The following OR3A2 variants were observed in gnomAD, a reference collection of about 807,000 sequenced individuals.
OR3A2 encodes the protein olfactory receptor family 3 subfamily A member 2.
For missense variants in OR3A2, 318 were observed against 392.8 expected (o/e 0.81, Z 1.61); for synonymous variants, 126 against 159.3 (o/e 0.79, Z 1.57).
chr17:3,356,293 C>G lies in OR3A2; in HGVS notation c.-178-20167G>C, dbSNP rs571337741. ...ACCACAGTTATAGTGTTTTAAGATT[C>G]TGTTTTTCCATGCACTTACTATTAC... On this transcript the variant is annotated intron_variant, in intron 2 of 4. Transcript: ENST00000573491. 3.1e-3 allele frequency among the ~76,000 whole-genome samples: 463 copies of G among 151,484 alleles called. 4 individuals are homozygous for G. Among genetic ancestry groups the G allele is most frequent in the Non-Finnish European group, 5.3e-3 (361 of 67,910 alleles).
chr17:3,305,448 G>A (rs9905508), intron 3 of OR3A2, among the ~76,000 whole-genome samples: 5,594 of 152,164 alleles, frequency 0.037, 362 homozygotes, highest in African/African-American at 0.13. Context: ...TTTGTCATGA[G>A]GTAACAAGGA....
At chr17:3,353,268 G>A (rs2049435722) in intron 2 of OR3A2, among the ~76,000 whole-genome samples, 1 of 151,768 alleles carries the variant, frequency 6.6e-6, no homozygotes, top group African/African-American at 2.4e-5. Context: ...AATTGGTAGA[G>A]TCTTTAGGTT....
intron 3 of OR3A2, among the ~76,000 whole-genome samples, chr17:3,293,399 G>A (rs2048893361): frequency 6.6e-6 from 1 of 152,128 alleles, no homozygotes; most frequent in Admixed American, 6.5e-5. Context: ...TTACCTGTCT[G>A]CATTCATTAC....
chr17:3,322,386 A>T (rs1286138032), intron 3 of OR3A2, among the ~76,000 whole-genome samples: 3 of 151,720 alleles, frequency 2.0e-5, no homozygotes, highest in Non-Finnish European at 2.9e-5. Flanking sequence ...TTCTGCTCTG[A>T]TTTTAGTTAT....
chr17:3,329,214 T>C (rs933214134), intron 3 of OR3A2, among the ~76,000 whole-genome samples: 15 of 151,862 alleles, frequency 9.9e-5, no homozygotes, highest in African/African-American at 3.4e-4. Flanking sequence ...ATCAGAATGA[T>C]GCTGGCCTCA....
At chr17:3,335,722 T>C (rs1436431386) in intron 3 of OR3A2, among the ~76,000 whole-genome samples, 1 of 152,184 alleles carries the variant, frequency 6.6e-6, no homozygotes, top group African/African-American at 2.4e-5. Context: ...AGGCAAATGT[T>C]AGAATTTTCA....
chr17:3,348,895 G>T (rs1474742598), intron 2 of OR3A2, among the ~76,000 whole-genome samples: 1 of 152,040 alleles, frequency 6.6e-6, no homozygotes, highest in African/African-American at 2.4e-5. Context: ...TTAAGGAAAA[G>T]AATTTTCAAC....
chr17:3,278,583 C>A (rs267604817), exon 2 of OR3A2: 1 of 1,607,780 alleles, frequency 6.2e-7, no homozygotes. Flanking sequence ...GCAGTCCATC[C>A]CAGCCAGAAG....
At chr17:3,362,080 G>A (rs2049522426) in intron 2 of OR3A2, among the ~76,000 whole-genome samples, 1 of 151,550 alleles carries the variant, frequency 6.6e-6, no homozygotes, top group Non-Finnish European at 1.5e-5. Flanking sequence ...ATAAATTATT[G>A]CCTCAATTTC....
At chr17:3,371,158 A>G (rs1235694953) in intron 2 of OR3A2, among the ~76,000 whole-genome samples, 87 of 151,232 alleles carry the variant, frequency 5.8e-4, no homozygotes, top group Admixed American at 4.9e-3. Flanking sequence ...GGTGGTGGCC[A>G]GGCAGAGGGG....
At chr17:3,279,905 C>A (rs565039870) in intron 1 of OR3A2, among the ~76,000 whole-genome samples, 1 of 152,140 alleles carries the variant, frequency 6.6e-6, no homozygotes, top group Non-Finnish European at 1.5e-5. Flanking sequence ...TTGTGGATAT[C>A]AGAAAGACCA....
intron 2 of OR3A2, among the ~76,000 whole-genome samples, chr17:3,360,200 T>C (rs183658823): frequency 2.0e-5 from 3 of 151,974 alleles, no homozygotes; most frequent in South Asian, 2.1e-4. Context: ...CATGTGTCTG[T>C]TGGCTGCATA....
At chr17:3,325,791 A>T (rs542124232) in intron 3 of OR3A2, among the ~76,000 whole-genome samples, 1 of 152,036 alleles carries the variant, frequency 6.6e-6, no homozygotes, top group South Asian at 2.1e-4. Context: ...TCTCTCTTCA[A>T]CTTTCACTTT....
At chr17:3,332,225 G>C (rs1436534449) in intron 3 of OR3A2, among the ~76,000 whole-genome samples, 1 of 152,246 alleles carries the variant, frequency 6.6e-6, no homozygotes, top group African/African-American at 2.4e-5. Context: ...TCCTTGAGCT[G>C]TGGTGGGCTC....
chr17:3,367,454 C>A (rs2049573571), intron 2 of OR3A2, among the ~76,000 whole-genome samples: 1 of 149,072 alleles, frequency 6.7e-6, no homozygotes, highest in Non-Finnish European at 1.5e-5. Flanking sequence ...TGAGTGAGAA[C>A]ATATGATGTT....
rs187950462 is a variant in OR3A2 at position 3,360,105 on chromosome 17, T to C, written c.-179+23699A>G. The stretch of plus-strand genomic sequence containing the variant: ...CTGTTGTTTCCTGACTTTTTAATGA[T>C]TGCCATTCTAACTGGTGTGACATGA... On this transcript the variant is annotated intron_variant, in intron 2 of 4. Transcript: ENST00000573491. Among the ~76,000 whole-genome samples, 158 of 151,962 alleles carry C rather than the reference T, an allele frequency of 1.0e-3. 1 individual carries two copies. The highest frequency in any genetic ancestry group is 1.9e-3 in the Non-Finnish European group (128 of 68,028).
chr17:3,363,041 C>A (rs1243816017), intron 2 of OR3A2, among the ~76,000 whole-genome samples: 2 of 151,786 alleles, frequency 1.3e-5, no homozygotes, highest in African/African-American at 4.9e-5. Context: ...CACCATTTTT[C>A]CCTCTTAGGC....
At chr17:3,333,874 C>G (rs2049258492) in intron 3 of OR3A2, among the ~76,000 whole-genome samples, 1 of 152,152 alleles carries the variant, frequency 6.6e-6, no homozygotes, top group East Asian at 1.9e-4. Context: ...GGTCTAATAT[C>G]CAGAGTCTAC....
At chr17:3,298,772 G>A (rs558660875) in intron 3 of OR3A2, among the ~76,000 whole-genome samples, 7 of 152,274 alleles carry the variant, frequency 4.6e-5, no homozygotes, top group African/African-American at 1.4e-4. Context: ...GAAAGGAAGC[G>A]GGTGAAGCAC....
Sources: gnomAD v4.1 joint callset for allele counts (sites outside exome capture counted in the v4.1 genomes callset) on GRCh38, gnomAD v4.1.1 for gene constraint, MANE v1.5 for transcripts, NCBI Gene and HGNC (gene_info 2026-07-23, HGNC 2026-07-21) for gene names.